EBF2: variants seen among roughly 807,000 people sequenced by gnomAD.
The protein encoded by EBF2 is EBF transcription factor 2, also known as transcription factor COE2.
EBF2 carries 21 observed loss-of-function variants against 72.8 expected under a neutral mutation model. The ratio of observed to expected loss-of-function variants is 0.29; its 90% CI spans 0.20 to 0.42. The LOEUF (loss-of-function observed/expected upper bound fraction) is 0.42, where lower values mean the gene tolerates loss of function less well. EBF2 is among the 10% of genes least tolerant of loss of function. The probability of loss-of-function intolerance (pLI) is 1.00; values close to 1 mark genes in which losing one functional copy is unlikely to be tolerated. For synonymous variants in EBF2, 299 were observed against 274.2 expected, an observed-to-expected ratio of 1.09 and a Z score of -0.89; for missense variants, 637 against 731.2, an observed-to-expected ratio of 0.87 and a Z score of 1.49.
chr8:25,905,821 A>G (rs1226162445), intron 7 of EBF2, among the ~76,000 whole-genome samples: 3 of 152,176 alleles, frequency 2.0e-5, no homozygotes, highest in East Asian at 1.9e-4. Flanking sequence ...TAAAATGGTG[A>G]ATTGTATGTT....
At chr8:26,005,132 C>T (rs931639473) in intron 6 of EBF2, among the ~76,000 whole-genome samples, 1 of 141,528 alleles carries the variant, frequency 7.1e-6, no homozygotes, top group Non-Finnish European at 1.5e-5. Flanking sequence ...ATTGTGCTTC[C>T]TACCGGTCAT....
At chr8:25,968,652 C>G (rs1001013786) in intron 6 of EBF2, among the ~76,000 whole-genome samples, 4 of 152,156 alleles carry the variant, frequency 2.6e-5, no homozygotes, top group East Asian at 3.9e-4. Context: ...ACCTCCACCC[C>G]CCTGGGTTCA....
intron 6 of EBF2, among the ~76,000 whole-genome samples, chr8:26,002,967 C>T (rs1804766655): frequency 6.6e-6 from 1 of 150,656 alleles, no homozygotes; most frequent in Non-Finnish European, 1.5e-5. Context: ...GGCAGGCAGG[C>T]AGGTGGCCCT....
chr8:25,976,029 T>A (rs1361688527), intron 6 of EBF2, among the ~76,000 whole-genome samples: 1 of 152,176 alleles, frequency 6.6e-6, no homozygotes, highest in Non-Finnish European at 1.5e-5. Flanking sequence ...TCCACAGAGA[T>A]CCCTTCTGTA....
At chr8:26,011,461 G>A (rs1447560334) in intron 6 of EBF2, among the ~76,000 whole-genome samples, 2 of 11,868 alleles carry the variant, frequency 1.7e-4, no homozygotes, top group African/African-American at 1.2e-3. Context: ...TCTTCAGGTG[G>A]CTTTTTTTTT....
At chr8:26,038,407 A>T (rs1228044270) in intron 5 of EBF2, among the ~76,000 whole-genome samples, 1 of 152,210 alleles carries the variant, frequency 6.6e-6, no homozygotes, top group East Asian at 1.9e-4. Flanking sequence ...TAAAATGAGG[A>T]GGATTTGATT....
At chr8:25,853,849 CAG>C (rs1053211225) in intron 14 of EBF2, among the ~76,000 whole-genome samples, 1 of 149,038 alleles carries the variant, frequency 6.7e-6, no homozygotes, top group Admixed American at 6.7e-5. Context: ...GAAAAAAAAA[CAG>C]ATTACATAAC....
intron 6 of EBF2, among the ~76,000 whole-genome samples, chr8:25,992,132 G>T (rs547651150): frequency 1.3e-5 from 2 of 151,868 alleles, no homozygotes; most frequent in Non-Finnish European, 2.9e-5. Flanking sequence ...CCGAGTTCAA[G>T]TGATTCTCCT....
chr8:25,846,563 A>ATAGTCTT lies in EBF2; in HGVS notation c.1697-1930_1697-1924dup, dbSNP rs151252511. Among the ~76,000 whole-genome samples, 1,190 of 152,232 alleles carry ATAGTCTT rather than the reference A, an allele frequency of 7.8e-3. 15 individuals carry two copies. Among genetic ancestry groups the ATAGTCTT allele is most frequent in the African/African-American group, 0.027 (1,130 of 41,536 alleles). On this transcript the variant is annotated intron_variant, in intron 15 of 15. Transcript: ENST00000520164. ...CAGCCCAGCATGGTGGTACATGCCT[A>ATAGTCTT]TAGTCTTAGCTACTCAGGAAGCTGA...
chr8:26,007,618 A>C (rs1804903075), intron 6 of EBF2, among the ~76,000 whole-genome samples: 1 of 152,168 alleles, frequency 6.6e-6, no homozygotes, highest in Non-Finnish European at 1.5e-5. Flanking sequence ...GGAGAAGTCT[A>C]AAAGACAATA....
intron 6 of EBF2, among the ~76,000 whole-genome samples, chr8:25,926,535 T>C (rs988281384): frequency 2.6e-5 from 4 of 152,208 alleles, no homozygotes; most frequent in Admixed American, 6.5e-5. Flanking sequence ...TATCTTTGTC[T>C]GTATGCATCA....
intron 10 of EBF2, among the ~76,000 whole-genome samples, chr8:25,867,548 T>C (rs1802355945): frequency 6.6e-6 from 1 of 152,230 alleles, no homozygotes; most frequent in South Asian, 2.1e-4. Flanking sequence ...CTGTTCTTTC[T>C]CTGCCTGTCT....
At chr8:26,002,839 CA>C (rs1804754664) in intron 6 of EBF2, among the ~76,000 whole-genome samples, 6 of 119,090 alleles carry the variant, frequency 5.0e-5, no homozygotes, top group African/African-American at 1.4e-4. Flanking sequence ...GGCAGGCAGG[CA>C]GGCAGGCAGG....
chr8:25,923,998 A>G (rs1318598098), intron 6 of EBF2, among the ~76,000 whole-genome samples: 1 of 152,222 alleles, frequency 6.6e-6, no homozygotes, highest in Non-Finnish European at 1.5e-5. Flanking sequence ...TGATCTATAA[A>G]ATTAATCTCC....
At chr8:26,011,439 A>G (rs1230531090) in intron 6 of EBF2, among the ~76,000 whole-genome samples, 1 of 142,236 alleles carries the variant, frequency 7.0e-6, no homozygotes, top group Non-Finnish European at 1.5e-5. Context: ...TTGGATTCCC[A>G]ATAAACATTT....
intron 7 of EBF2, among the ~76,000 whole-genome samples, chr8:25,898,468 C>T (rs4415323): frequency 0.44 from 65,973 of 149,414 alleles, 16,222 homozygotes; most frequent in East Asian, 0.73. Flanking sequence ...AAAAAACCAG[C>T]TTTTCATGTC....
In EBF2 at chr8:25,861,204, G is replaced by A; in HGVS notation, c.1187C>T (p.Ala396Val). 6.2e-7 allele frequency: 1 copy of A among 1,613,350 alleles called. No individual in the cohort carries two copies. Among genetic ancestry groups the A allele is most frequent in the Non-Finnish European group, 8.5e-7 (1 of 1,179,512 alleles). ...GCTGTAGAGAGCTTCAGCAATGTCTGCGGCTCGCTTCAAAATGATGTCCTA... is the reference window on the plus strand; with the variant it reads ...GCTGTAGAGAGCTTCAGCAATGTCTACGGCTCGCTTCAAAATGATGTCCTA... ...NNQDIILKRAADIAEALYSVP... is the reference protein window; with the variant it reads ...NNQDIILKRAVDIAEALYSVP... Residue 396 changes from alanine (A) to valine (V), a missense_variant, in exon 13 of 16, where the codon GCA (alanine) becomes GTA (valine). Ala to Val is a moderately conservative substitution (Grantham distance 64). Coordinates refer to ENST00000520164, the MANE Select transcript of EBF2 (RefSeq NM_022659.4).
chr8:25,888,079 A>C (rs949879095), intron 8 of EBF2, 107 bp from the exon 9 acceptor site: 1 of 1,272,428 alleles, frequency 7.9e-7, no homozygotes, highest in African/African-American at 1.5e-5. Flanking sequence ...CCACGTATAA[A>C]ATACACTAAT....
chr8:25,931,955 G>C (rs1180965278), intron 6 of EBF2, among the ~76,000 whole-genome samples: 2 of 152,124 alleles, frequency 1.3e-5, no homozygotes, highest in Admixed American at 6.6e-5. Flanking sequence ...TTACTGCAAT[G>C]TCAGCTGTTT....
Sources: gnomAD v4.1 joint callset for allele counts (sites outside exome capture counted in the v4.1 genomes callset) on GRCh38, gnomAD v4.1.1 for gene constraint, MANE v1.5 for transcripts, NCBI Gene and HGNC (gene_info 2026-07-23, HGNC 2026-07-21) for gene names.